RBFOX1: variants seen among roughly 807,000 people sequenced by gnomAD.
The protein encoded by RBFOX1 is RNA binding protein fox-1 homolog 1.
In RBFOX1, 8 loss-of-function variants were observed where a neutral mutation model predicts 57.7. The observed-to-expected ratio is 0.14, with a 90% CI of 0.08 to 0.25. The LOEUF is 0.25. Ranked by LOEUF, RBFOX1 falls within the 10% of genes least tolerant of loss-of-function variation. The pLI, the probability that RBFOX1 is intolerant of heterozygous loss-of-function variation, is 1.00. For missense variants in RBFOX1, 611 were observed against 548.5 expected (o/e 1.11, Z -1.14); for synonymous variants, 326 against 222.4 (o/e 1.47, Z -4.15).
chr16:7,439,365 TAAAA>T (rs35247636), intron 4 of RBFOX1, among the ~76,000 whole-genome samples: 3 of 143,686 alleles, frequency 2.1e-5, no homozygotes, highest in African/African-American at 7.7e-5. Context: ...AAAGGCAGAT[TAAAA>T]AAAAAAAAAA....
chr16:7,079,426 A>G (rs2058816441), intron 4 of RBFOX1, among the ~76,000 whole-genome samples: 1 of 152,144 alleles, frequency 6.6e-6, no homozygotes, highest in African/African-American at 2.4e-5. Context: ...CCTGAGCAGA[A>G]CCACAGTTTA....
chr16:6,546,663 A>C (rs1393710241), intron 2 of RBFOX1, among the ~76,000 whole-genome samples: 2 of 152,118 alleles, frequency 1.3e-5, no homozygotes, highest in Non-Finnish European at 2.9e-5. Context: ...ACCTCATCTT[A>C]ATTTGATTCC....
chr16:5,869,143 C>T (rs1297379843), intron 4 of RBFOX1, among the ~76,000 whole-genome samples: 1 of 152,044 alleles, frequency 6.6e-6, no homozygotes, highest in African/African-American at 2.4e-5. Flanking sequence ...GTAACCCACC[C>T]AGATTATGGC....
intron 4 of RBFOX1, among the ~76,000 whole-genome samples, chr16:7,217,925 G>T (rs11640014): frequency 6.6e-6 from 1 of 150,792 alleles, no homozygotes; most frequent in East Asian, 2.0e-4. Context: ...TGTGAGTGTA[G>T]GTGTGTGCGT....
At chr16:7,139,775 T>C (rs988249212) in intron 4 of RBFOX1, among the ~76,000 whole-genome samples, 2 of 152,036 alleles carry the variant, frequency 1.3e-5, no homozygotes, top group African/African-American at 4.8e-5. Context: ...TTTTTTAAGT[T>C]CATCGGTGAG....
intron 4 of RBFOX1, among the ~76,000 whole-genome samples, chr16:7,383,438 A>G (rs2097820134): frequency 6.6e-6 from 1 of 152,130 alleles, no homozygotes; most frequent in African/African-American, 2.4e-5. Flanking sequence ...CTTCACATTG[A>G]AATAATCTCT....
At chr16:6,044,684 G>A (rs1246835978) in intron 1 of RBFOX1, among the ~76,000 whole-genome samples, 3 of 151,940 alleles carry the variant, frequency 2.0e-5, no homozygotes, top group South Asian at 2.1e-4. Context: ...TTGATTGTGC[G>A]GAAACTATTA....
intron 2 of RBFOX1, among the ~76,000 whole-genome samples, chr16:6,631,884 G>T (rs992142281): frequency 6.6e-6 from 1 of 152,116 alleles, no homozygotes; most frequent in South Asian, 2.1e-4. Flanking sequence ...CTGTAAGAAG[G>T]TCATTGTAGC....
intron 2 of RBFOX1, among the ~76,000 whole-genome samples, chr16:6,348,105 G>A (rs2085678927): frequency 6.6e-6 from 1 of 152,116 alleles, no homozygotes. Flanking sequence ...TCTGAGGGAG[G>A]TTATAGCTTT....
At chr16:7,510,510 T>TGTGG (rs534612852) in intron 4 of RBFOX1, among the ~76,000 whole-genome samples, 2 of 130,704 alleles carry the variant, frequency 1.5e-5, no homozygotes, top group African/African-American at 5.4e-5. Flanking sequence ...TGTGTGTGTG[T>TGTGG]GGGCGCGCGC....
At chr16:5,435,216 G>C (rs1275738807) in intron 1 of RBFOX1, among the ~76,000 whole-genome samples, 1 of 152,168 alleles carries the variant, frequency 6.6e-6, no homozygotes, top group Non-Finnish European at 1.5e-5. Context: ...CTGGTGATGG[G>C]TGCTTCTCCA....
At chr16:6,405,156 C>G (rs544183941) in intron 2 of RBFOX1, among the ~76,000 whole-genome samples, 1 of 152,140 alleles carries the variant, frequency 6.6e-6, no homozygotes, top group Non-Finnish European at 1.5e-5. Context: ...AAATGTCTAT[C>G]ATTTCTATAA....
At chr16:7,250,915 TATC>T (rs1467649114) in intron 4 of RBFOX1, among the ~76,000 whole-genome samples, 1 of 152,248 alleles carries the variant, frequency 6.6e-6, no homozygotes, top group African/African-American at 2.4e-5. Context: ...GGTATACATT[TATC>T]ATGTACAACA....
intron 4 of RBFOX1, among the ~76,000 whole-genome samples, chr16:7,087,589 G>C (rs1019891275): frequency 4.0e-5 from 6 of 151,114 alleles, no homozygotes; most frequent in African/African-American, 1.5e-4. Context: ...AGGGAGGGAG[G>C]GGGAGAGAGA....
At chr16:7,428,748 A>T (rs1046169660) in intron 4 of RBFOX1, among the ~76,000 whole-genome samples, 2 of 151,898 alleles carry the variant, frequency 1.3e-5, no homozygotes, top group African/African-American at 4.8e-5. Context: ...ACAATGATAT[A>T]TGTGGATTTT....
chr16:6,436,777 T>C (rs2094247978), intron 2 of RBFOX1, among the ~76,000 whole-genome samples: 1 of 152,134 alleles, frequency 6.6e-6, no homozygotes, highest in African/African-American at 2.4e-5. Context: ...GATTATTTGT[T>C]GGATGAATGA....
intron 2 of RBFOX1, among the ~76,000 whole-genome samples, chr16:6,352,621 G>C (rs1414732121): frequency 4.6e-5 from 7 of 152,074 alleles, no homozygotes; most frequent in Admixed American, 4.6e-4. Context: ...TCCTTGCTTT[G>C]GGTTACCATG....
intron 3 of RBFOX1, among the ~76,000 whole-genome samples, chr16:7,029,633 G>C (rs925842492): frequency 5.9e-5 from 9 of 152,040 alleles, no homozygotes; most frequent in African/African-American, 1.9e-4. Context: ...AAGCAGAAGG[G>C]TATGAGATTT....
chr16:6,709,123 CAG>C (rs759480825), intron 3 of RBFOX1, among the ~76,000 whole-genome samples: 1 of 151,980 alleles, frequency 6.6e-6, no homozygotes, highest in East Asian at 1.9e-4. Context: ...ATAAATGTAA[CAG>C]AAAGTATCTT....
Sources: gnomAD v4.1 joint callset for allele counts (sites outside exome capture counted in the v4.1 genomes callset) on GRCh38, gnomAD v4.1.1 for gene constraint, MANE v1.5 for transcripts, NCBI Gene and HGNC (gene_info 2026-07-23, HGNC 2026-07-21) for gene names.